Variants in SESN1 observed in about 807,000 individuals in gnomAD.
The protein encoded by SESN1 is sestrin 1.
Under a neutral mutation model 59.3 loss-of-function variants are expected in SESN1, and 30 were observed. The observed-to-expected ratio is 0.51, with a 90% confidence interval of 0.38 to 0.69. The LOEUF (loss-of-function observed/expected upper bound fraction) is 0.69, where lower values mean the gene tolerates loss of function less well. Ranked by LOEUF, SESN1 falls within the 30% of genes least tolerant of loss-of-function variation. The probability of loss-of-function intolerance (pLI) is 0.00; values close to 1 mark genes in which losing one functional copy is unlikely to be tolerated. For missense variants in SESN1, 566 were observed against 673.0 expected (o/e 0.84, Z 1.76); for synonymous variants, 197 against 219.9 (o/e 0.90, Z 0.92).
At chr6:109,046,467 C>T (rs1780439495) in intron 1 of SESN1, among the ~76,000 whole-genome samples, 1 of 149,140 alleles carries the variant, frequency 6.7e-6, no homozygotes, top group Non-Finnish European at 1.5e-5. Flanking sequence ...CCTTGGCCTC[C>T]CAAAGTGCCG....
At chr6:109,018,129 G>C (rs1223596106) in intron 1 of SESN1, among the ~76,000 whole-genome samples, 1 of 152,146 alleles carries the variant, frequency 6.6e-6, no homozygotes, top group African/African-American at 2.4e-5. Context: ...TATATTATCA[G>C]TGGTTTTCAA....
At chr6:109,005,207 A>G (rs1355626214) in intron 1 of SESN1, among the ~76,000 whole-genome samples, 1 of 152,244 alleles carries the variant, frequency 6.6e-6, no homozygotes, top group African/African-American at 2.4e-5. Context: ...AAAGTTCAGC[A>G]TGACCATATA....
chr6:108,989,576 T>G (rs1779316534), intron 8 of SESN1, among the ~76,000 whole-genome samples: 1 of 151,328 alleles, frequency 6.6e-6, no homozygotes, highest in Non-Finnish European at 1.5e-5. Flanking sequence ...TCTAGAGATA[T>G]CTATATATAG....
chr6:109,012,330 A>AC (rs1234957323), intron 1 of SESN1, among the ~76,000 whole-genome samples: 8 of 151,540 alleles, frequency 5.3e-5, no homozygotes, highest in African/African-American at 1.9e-4. Context: ...AAGAATCCTG[A>AC]CATTTAATCC....
chr6:109,080,965 A>AC (rs1247188763), intron 1 of SESN1, among the ~76,000 whole-genome samples: 1 of 152,154 alleles, frequency 6.6e-6, no homozygotes, highest in Non-Finnish European at 1.5e-5. Context: ...TATATATAAA[A>AC]CAGATATATT....
At chr6:109,028,772 G>A (rs1157765532) in intron 1 of SESN1, among the ~76,000 whole-genome samples, 2 of 152,142 alleles carry the variant, frequency 1.3e-5, no homozygotes, top group African/African-American at 4.8e-5. Context: ...AACAAAGACT[G>A]GGTCACGAAA....
chr6:109,023,973 T>TC (rs1207484099), intron 1 of SESN1, among the ~76,000 whole-genome samples: 8 of 151,782 alleles, frequency 5.3e-5, no homozygotes, highest in Non-Finnish European at 4.4e-5. Context: ...AATTCAATGA[T>TC]CACACACACA....
intron 1 of SESN1, among the ~76,000 whole-genome samples, chr6:109,084,174 T>C (rs1781170277): frequency 2.0e-5 from 3 of 152,230 alleles, no homozygotes; most frequent in African/African-American, 7.2e-5. Context: ...GTATATTCAA[T>C]GAATGATTAT....
intron 5 of SESN1, among the ~76,000 whole-genome samples, chr6:108,996,557 G>A (rs983544491): frequency 6.6e-6 from 1 of 151,810 alleles, no homozygotes; most frequent in African/African-American, 2.4e-5. Flanking sequence ...GGTAATTCTT[G>A]ATAAATTATA....
rs139867823 is a variant in SESN1 at position 108,995,993 on chromosome 6, C to T, written c.973-1384G>A. 4.6e-5 allele frequency among the ~76,000 whole-genome samples: 7 copies of T among 152,236 alleles called. No individual in the cohort carries two copies. In the East Asian group the frequency reaches 1.4e-3, roughly 29 times the overall value. On this transcript the variant is annotated intron_variant, in intron 5 of 9. Coordinates refer to ENST00000436639, the MANE Select transcript of SESN1 (RefSeq NM_014454.3). ...ACAAGCTCCAATTATTCTAACACAA[C>T]CCTCTCCTCTTTCCTTCAGAGGACC... is the stretch of plus-strand genomic sequence containing the variant.
intron 1 of SESN1, among the ~76,000 whole-genome samples, chr6:109,005,187 C>A (rs1294704247): frequency 6.6e-6 from 1 of 152,162 alleles, no homozygotes; most frequent in African/African-American, 2.4e-5. Flanking sequence ...CAATAGAAGG[C>A]TGTTTCAATA....
intron 1 of SESN1, among the ~76,000 whole-genome samples, chr6:109,058,410 A>T (rs1562470643): frequency 6.6e-6 from 1 of 152,238 alleles, no homozygotes; most frequent in Non-Finnish European, 1.5e-5. Flanking sequence ...GTTATACCAT[A>T]TAGCCTACGT....
At chr6:109,067,825 C>A (rs1322194303) in intron 1 of SESN1, among the ~76,000 whole-genome samples, 1 of 152,204 alleles carries the variant, frequency 6.6e-6, no homozygotes, top group Non-Finnish European at 1.5e-5. Flanking sequence ...TTTGCCCCTG[C>A]AAAGTATGTA....
At chr6:108,988,488 G>A in intron 9 of SESN1, 55 bp downstream of exon 9, 1 of 1,486,546 alleles carries the variant, frequency 6.7e-7, no homozygotes, top group Non-Finnish European at 9.1e-7. Context: ...TTAGGTGAAG[G>A]AGACTACGAA....
intron 1 of SESN1, among the ~76,000 whole-genome samples, chr6:109,074,711 T>C (rs576886261): frequency 3.9e-5 from 6 of 152,352 alleles, no homozygotes; most frequent in Admixed American, 1.3e-4. Context: ...CATTTGACAA[T>C]GCTCATTAAA....
chr6:109,048,625 G>C (rs1262493546), intron 1 of SESN1, among the ~76,000 whole-genome samples: 3 of 152,068 alleles, frequency 2.0e-5, no homozygotes, highest in Non-Finnish European at 4.4e-5. Flanking sequence ...CAAGCCTGTG[G>C]GTAGATGGCC....
intron 1 of SESN1, among the ~76,000 whole-genome samples, chr6:109,085,820 T>C (rs565768757): frequency 1.9e-4 from 29 of 152,294 alleles, no homozygotes; most frequent in African/African-American, 7.0e-4. Context: ...CAAAGCTTGC[T>C]TGGTGCTGAT....
At chr6:109,002,032 C>A (rs1025735650) in intron 2 of SESN1, among the ~76,000 whole-genome samples, 1 of 152,090 alleles carries the variant, frequency 6.6e-6, no homozygotes, top group African/African-American at 2.4e-5. Flanking sequence ...TATCACTGGT[C>A]AAAAACAAAT....
rs566707197 is a variant in SESN1, at chr6:109,078,783, C to T, written c.279+15012G>A. Among the ~76,000 whole-genome samples, 148 of 152,212 alleles carry T rather than the reference C, an allele frequency of 9.7e-4. 1 individual carries two copies. The highest frequency in any genetic ancestry group is 3.5e-3 in the African/African-American group (145 of 41,516). On this transcript the variant is annotated intron_variant, in intron 1 of 9. Transcript: ENST00000436639. ...GAATTCTAACCTTATCTTTAAAAAGCATATTTATTTCAGCCTTAGGTGGAG... is the reference window on the plus strand; with the variant it reads ...GAATTCTAACCTTATCTTTAAAAAGTATATTTATTTCAGCCTTAGGTGGAG...
Sources: gnomAD v4.1 joint callset for allele counts (sites outside exome capture counted in the v4.1 genomes callset) on GRCh38, gnomAD v4.1.1 for gene constraint, MANE v1.5 for transcripts, NCBI Gene and HGNC (gene_info 2026-07-23, HGNC 2026-07-21) for gene names.